ANKFY1: variants seen among roughly 807,000 people sequenced by gnomAD.
The protein encoded by ANKFY1 is ankyrin repeat and FYVE domain-containing protein 1.
In ANKFY1, 47 loss-of-function variants were observed where a neutral mutation model predicts 128.3. The ratio of observed to expected loss-of-function variants is 0.37; its 90% CI spans 0.29 to 0.47. ANKFY1 has a LOEUF of 0.47. Among genes scored for constraint, ANKFY1 ranks in the 20% least tolerant of loss-of-function variants. ANKFY1 has a pLI of 1.00. For synonymous variants in ANKFY1, 553 were observed against 601.6 expected (o/e 0.92, Z 1.18); for missense variants, 1,222 against 1,510.6 (o/e 0.81, Z 3.17).
rs776382333 is a variant in ANKFY1, at chr17:4,195,021, G to C, written c.1329C>G (p.Leu443=). ...SFDENSFAAR[L]IQRGSHTDAP... ...CGTCTGTGTGGCTGCCGCGCTGGATGAGTCTGGCTGCAAAGCTGTTCTCAT... is the reference window on the plus strand; with the variant it reads ...CGTCTGTGTGGCTGCCGCGCTGGATCAGTCTGGCTGCAAAGCTGTTCTCAT... Residue 443 remains leucine (L), a synonymous_variant, in exon 10 of 25, where the codon CTC becomes CTG. Transcript: ENST00000341657. 1.2e-6 allele frequency: 2 copies of C among 1,614,212 alleles called. No homozygotes were observed. Among genetic ancestry groups the C allele is most frequent in the Non-Finnish European group, 1.7e-6 (2 of 1,180,054 alleles).
chr17:4,224,571 A>G (rs2143140838), intron 3 of ANKFY1, among the ~76,000 whole-genome samples: 2 of 152,280 alleles, frequency 1.3e-5, no homozygotes, highest in South Asian at 4.1e-4. Flanking sequence ...AAAAGGCAAT[A>G]TGAGAGGAAG....
chr17:4,173,299 A>G, intron 21 of ANKFY1, 55 bp downstream of exon 21: 1 of 1,548,250 alleles, frequency 6.5e-7, no homozygotes, highest in Non-Finnish European at 8.9e-7. Context: ...AGCAACCAGC[A>G]GCTCTGAGCA....
intron 1 of ANKFY1, among the ~76,000 whole-genome samples, chr17:4,245,053 G>A (rs569468894): frequency 1.2e-3 from 181 of 152,150 alleles, no homozygotes; most frequent in Non-Finnish European, 2.0e-3. Context: ...TCCTGCCAGT[G>A]GTTCTCCTCC....
chr17:4,238,133 ACT>A (rs1049796267), intron 2 of ANKFY1, among the ~76,000 whole-genome samples: 1 of 138,364 alleles, frequency 7.2e-6, no homozygotes, highest in African/African-American at 2.8e-5. Flanking sequence ...ACAGAGTGAG[ACT>A]CTGTCTCTTA....
Position 4,167,544 on chromosome 17 carries a change from G to T in ANKFY1, c.*235C>A. ...ATCACATTTACCACTTAGGCCCAATGGCCTGGTCTGATGAGTGAGACATCT... is the reference window on the plus strand; with the variant it reads ...ATCACATTTACCACTTAGGCCCAATTGCCTGGTCTGATGAGTGAGACATCT... On this transcript the variant is annotated 3_prime_UTR_variant, in exon 25 of 25. Coordinates refer to ENST00000341657, the MANE Select transcript of ANKFY1 (RefSeq NM_001330063.2). The surrounding 1 kb of genome is among the most constrained non-coding windows in gnomAD (Gnocchi z 4.1). The T allele has an allele frequency of 2.4e-6, 1 of 410,434 alleles. No individual in the cohort carries two copies. The highest frequency in any genetic ancestry group is 4.3e-6 in the Non-Finnish European group (1 of 232,634). 25.4% of individuals were successfully genotyped at this position (410,434 alleles called of 1,614,324 possible).
intron 1 of ANKFY1, among the ~76,000 whole-genome samples, chr17:4,259,288 T>C (rs1968282594): frequency 2.0e-5 from 3 of 152,204 alleles, no homozygotes; most frequent in Non-Finnish European, 2.9e-5. Context: ...CATTTTATTT[T>C]ATTATTATTA....
At chr17:4,190,050 G>A (rs531799185) in intron 10 of ANKFY1, among the ~76,000 whole-genome samples, 51 of 152,308 alleles carry the variant, frequency 3.3e-4, no homozygotes, top group African/African-American at 1.2e-3. Context: ...GTGGTGCTAC[G>A]GACATTTTGG....
chr17:4,185,014 A>G lies in ANKFY1; in HGVS notation c.1503T>C (p.His501=), dbSNP rs2143005518. 2 of 1,613,710 alleles carry G rather than the reference A, an allele frequency of 1.2e-6. No individual in the cohort carries two copies. The highest frequency in any genetic ancestry group is 2.2e-5 in the East Asian group (1 of 44,882). Residue 501 remains histidine (H), a synonymous_variant, in exon 12 of 25, where the codon CAT becomes CAC. Transcript: ENST00000341657. ...GETPLHTACR[H]GLANLTAELL... is the part of the protein sequence containing the mutation. ...GCTCTGCCGTGAGGTTGGCCAGGCC[A>G]TGCCGACACGCTGTGTGCAACGGGG...
chr17:4,233,673 C>T (rs903641064), intron 3 of ANKFY1, among the ~76,000 whole-genome samples: 2 of 152,194 alleles, frequency 1.3e-5, no homozygotes, highest in African/African-American at 4.8e-5. Flanking sequence ...CCTCTGAAAC[C>T]TTCCTTTATC....
At position 4,169,377 on chromosome 17, in the gene ANKFY1, G is replaced by T; in HGVS notation, c.3287-89C>A. ...TTGGAGGCAGCAGGAACACAGACCC[G>T]TAAGTGAGGCAGCGCTGCCACATGA... On this transcript the variant is annotated intron_variant, in intron 23 of 24. Transcript: ENST00000341657. The surrounding 1 kb of genome is among the most constrained non-coding windows in gnomAD (Gnocchi z 5.0). 1 of 979,198 alleles carries T rather than the reference G, an allele frequency of 1.0e-6. No homozygotes were observed. The highest frequency in any genetic ancestry group is 1.6e-6 in the Non-Finnish European group (1 of 638,520). The allele number at this position is 979,198 out of a possible 1,614,324, so 60.7% of individuals were successfully genotyped here.
intron 1 of ANKFY1, among the ~76,000 whole-genome samples, chr17:4,243,318 G>A (rs111639396): frequency 2.0e-5 from 3 of 151,802 alleles, no homozygotes; most frequent in Non-Finnish European, 4.4e-5. Context: ...CACCCACCTC[G>A]GCCTCCCAAA....
chr17:4,212,051 G>C (rs1042618463), intron 4 of ANKFY1, among the ~76,000 whole-genome samples: 1 of 152,198 alleles, frequency 6.6e-6, no homozygotes, highest in Non-Finnish European at 1.5e-5. Flanking sequence ...CTCTATGCCA[G>C]AATTCCTGGA....
At chr17:4,214,930 A>T (rs1320685953) in intron 4 of ANKFY1, among the ~76,000 whole-genome samples, 2 of 152,184 alleles carry the variant, frequency 1.3e-5, no homozygotes, top group African/African-American at 4.8e-5. Flanking sequence ...TACACCGAAC[A>T]TGTATTATAC....
chr17:4,176,507 A>G (rs1256441452), intron 19 of ANKFY1, among the ~76,000 whole-genome samples: 1 of 152,148 alleles, frequency 6.6e-6, no homozygotes, highest in Non-Finnish European at 1.5e-5. Context: ...GTGACACCCC[A>G]CGATCTGCTT....
At chr17:4,168,874 G>A (rs771011606) in intron 24 of ANKFY1, 21 of 305,310 alleles carry the variant, frequency 6.9e-5, no homozygotes, top group Admixed American at 5.1e-4. Context: ...CCATACTGAG[G>A]CACACCATGA....
chr17:4,223,290 T>C, intron 3 of ANKFY1: 1 of 1,013,684 alleles, frequency 9.9e-7, no homozygotes, highest in South Asian at 1.3e-5. Context: ...CACTTGTTTT[T>C]ACGGCAGTGC....
intron 1 of ANKFY1, among the ~76,000 whole-genome samples, chr17:4,255,361 C>T (rs1425883378): frequency 6.6e-6 from 1 of 151,560 alleles, no homozygotes; most frequent in African/African-American, 2.4e-5. Context: ...ATCCTCCTGC[C>T]TCAGCCTCCT....
intron 4 of ANKFY1, among the ~76,000 whole-genome samples, chr17:4,214,818 T>C (rs897426657): frequency 6.6e-6 from 1 of 151,854 alleles, no homozygotes; most frequent in African/African-American, 2.4e-5. Context: ...TGAGTGGATG[T>C]GGGAAAAAAA....
chr17:4,184,775 T>C (rs1287691515), intron 12 of ANKFY1, 43 bp downstream of exon 12: 97 of 1,583,558 alleles, frequency 6.1e-5, no homozygotes, highest in Non-Finnish European at 8.1e-5. Context: ...CCTAAACTGC[T>C]GTCCCCAAGT....
Sources: gnomAD v4.1 joint callset for allele counts (sites outside exome capture counted in the v4.1 genomes callset) on GRCh38, gnomAD v4.1.1 for gene constraint, Gnocchi (gnomAD v3.1) non-coding constraint, MANE v1.5 for transcripts, NCBI Gene and HGNC (gene_info 2026-07-23, HGNC 2026-07-21) for gene names.